The following GAD1 variants were observed in gnomAD, a reference collection of about 807,000 sequenced individuals.
GAD1 encodes 67 kDa glutamic acid decarboxylase.
A neutral mutation model predicts 75.2 loss-of-function variants in GAD1; 35 were observed. The ratio of observed to expected loss-of-function variants is 0.47; its 90% CI spans 0.36 to 0.62. The LOEUF is 0.62. Among genes scored for constraint, GAD1 ranks in the 20% least tolerant of loss-of-function variants. The probability of loss-of-function intolerance (pLI) is 0.00; values close to 1 mark genes in which losing one functional copy is unlikely to be tolerated. For synonymous variants in GAD1, 257 were observed against 271.9 expected, an observed-to-expected ratio of 0.95 and a Z score of 0.54; for missense variants, 490 against 758.5, an observed-to-expected ratio of 0.65 and a Z score of 4.16.
chr2:170,860,804 C>T lies in GAD1; in HGVS notation c.*922C>T, dbSNP rs936620696. 6.6e-6 allele frequency: 1 copy of T among 152,572 alleles called. No individual in the cohort carries two copies. Among genetic ancestry groups the T allele is most frequent in the Non-Finnish European group, 1.5e-5 (1 of 68,022 alleles). The allele number at this position is 152,572 out of a possible 1,614,324, so 9.5% of individuals were successfully genotyped here. A position where few individuals can be genotyped will look rare whatever the true frequency, so the allele number is the denominator to read the frequency against. ...GCATTTTACTGTCTGTAAGAGAATT[C>T]TAAGATTGTACATAAAGTCATATAT... On this transcript the variant is annotated 3_prime_UTR_variant, in exon 17 of 17. Transcript: ENST00000358196.
chr2:170,856,020 A>G (rs1702844186), intron 14 of GAD1, among the ~76,000 whole-genome samples: 8 of 152,118 alleles, frequency 5.3e-5, no homozygotes, highest in Admixed American at 5.2e-4. Flanking sequence ...CATCTGCTGC[A>G]GGTTTTGACC....
intron 3 of GAD1, among the ~76,000 whole-genome samples, chr2:170,822,923 AGAG>A (rs1701928956): frequency 6.6e-6 from 1 of 152,230 alleles, no homozygotes; most frequent in Non-Finnish European, 1.5e-5. Context: ...AGGGAGCTGG[AGAG>A]GAGAAAGAAC....
Position 170,852,861 on chromosome 2 carries a change from G to T in GAD1, c.1263+69G>T, listed in dbSNP as rs188948013. 5.1e-4 allele frequency: 687 copies of T among 1,358,072 alleles called. 5 individuals carry two copies. The African/African-American group carries it at 8.5e-3, about 17-fold the overall frequency. The allele number at this position is 1,358,072 out of a possible 1,614,324, so 84.1% of individuals were successfully genotyped here. Reference sequence around the variant, plus strand: ...TAGAAAGCACAAAAAGACACACGTGGGGTCTCTTTGCAGTACTTGTTGGCT... The same window carrying T: ...TAGAAAGCACAAAAAGACACACGTGTGGTCTCTTTGCAGTACTTGTTGGCT... On this transcript the variant is annotated intron_variant, in intron 13 of 16. Coordinates refer to ENST00000358196, the MANE Select transcript of GAD1 (RefSeq NM_000817.3).
At chr2:170,836,047 C>T (rs1049047044) in intron 5 of GAD1, among the ~76,000 whole-genome samples, 2 of 151,888 alleles carry the variant, frequency 1.3e-5, no homozygotes, top group Admixed American at 1.3e-4. Flanking sequence ...TAGAGATTCT[C>T]AGAGAGGAGA....
intron 3 of GAD1, among the ~76,000 whole-genome samples, chr2:170,824,929 CGTGTGT>C (rs56938472): frequency 6.7e-6 from 1 of 150,014 alleles, no homozygotes; most frequent in Non-Finnish European, 1.5e-5. Flanking sequence ...AGCCTACACT[CGTGTGT>C]GTGTGTGTGT....
At chr2:170,831,217 G>A (rs768617654) in intron 5 of GAD1, 25 bp downstream of exon 5, 9 of 1,613,728 alleles carry the variant, frequency 5.6e-6, no homozygotes, top group Non-Finnish European at 7.6e-6. Flanking sequence ...TGGGTAGACA[G>A]GTAGTGGCAA....
Position 170,831,369 on chromosome 2 carries a change from C to A in GAD1, c.547+177C>A, listed in dbSNP as rs369648604. Among the ~76,000 whole-genome samples the A allele has an allele frequency of 8.6e-5, 13 of 151,970 alleles. 1 individual carries two copies. In the East Asian group the frequency reaches 1.5e-3, roughly 18 times the overall value. Reference sequence around the variant, plus strand: ...GGGCAGTAACAGTTGGTGGAGGGACCCGACCCAGGCAAAAGTTCATCAGCA... The same window carrying A: ...GGGCAGTAACAGTTGGTGGAGGGACACGACCCAGGCAAAAGTTCATCAGCA... On this transcript the variant is annotated intron_variant, in intron 5 of 16. Transcript: ENST00000358196.
Position 170,822,186 on chromosome 2 carries a change from C to T in GAD1, c.145+37C>T, listed in dbSNP as rs771454267. ...GACCCACTGGGGCCCGGCTGGGTGG[C>T]GCGGCGGGCGGACCTTTGGGGCTTG... On this transcript the variant is annotated intron_variant, in intron 3 of 16. Coordinates refer to ENST00000358196, the MANE Select transcript of GAD1 (RefSeq NM_000817.3). 22 of 1,580,456 alleles carry T rather than the reference C, an allele frequency of 1.4e-5. No homozygotes were observed. In the South Asian group the frequency reaches 2.5e-4, roughly 18 times the overall value.
intron 14 of GAD1, among the ~76,000 whole-genome samples, chr2:170,855,657 T>C (rs1232854290): frequency 1.3e-5 from 2 of 151,672 alleles, no homozygotes; most frequent in Non-Finnish European, 2.9e-5. Context: ...GGCGGATCAT[T>C]TGAGCTCAGG....
chr2:170,815,419 A>T (rs151003117), upstream of GAD1, among the ~76,000 whole-genome samples: 258 of 152,278 alleles, frequency 1.7e-3, 1 homozygote, highest in Admixed American at 4.2e-3. Context: ...CCACAGCGAG[A>T]TCCCTCTTGC....
At chr2:170,823,548 C>T (rs1701947447) in intron 3 of GAD1, among the ~76,000 whole-genome samples, 1 of 152,154 alleles carries the variant, frequency 6.6e-6, no homozygotes, top group Non-Finnish European at 1.5e-5. Context: ...GCCTTCTCCC[C>T]AGCGCAGGAC....
At chr2:170,855,313 G>A (rs1702827972) in intron 14 of GAD1, among the ~76,000 whole-genome samples, 1 of 150,160 alleles carries the variant, frequency 6.7e-6, no homozygotes, top group Non-Finnish European at 1.5e-5. Flanking sequence ...GATTCAAGCA[G>A]TTCTCCTGCC....
rs1442823488 is a variant in GAD1 at position 170,852,768 on chromosome 2, C to T, written c.1239C>T (p.Cys413=). The T allele has an allele frequency of 6.2e-7, 1 of 1,614,202 alleles. No homozygotes were observed. The highest frequency in any genetic ancestry group is 1.7e-5 in the Admixed American group (1 of 60,030). ...AGATGATGGGCGTGCTGTTGCAGTG[C>T]TCTGCCATTCTCGTCAAGGAAAAGG... is the stretch of plus-strand genomic sequence containing the variant. The part of the protein sequence containing the change: ...PHKMMGVLLQ[C]SAILVKEKGI... Residue 413 remains cysteine, a synonymous_variant, in exon 13 of 17, where the codon TGC becomes TGT. Transcript: ENST00000358196.
At chr2:170,819,024 G>C (rs937938620) in intron 2 of GAD1, among the ~76,000 whole-genome samples, 1 of 152,164 alleles carries the variant, frequency 6.6e-6, no homozygotes, top group African/African-American at 2.4e-5. Flanking sequence ...GGAATGAAGA[G>C]CTAGGAGCCC....
In GAD1 at chr2:170,818,817, C is replaced by T. The variant is rs1701784114; in HGVS notation, c.82+144C>T. The T allele has an allele frequency of 1.2e-6, 1 of 810,460 alleles. No homozygotes were observed. Among genetic ancestry groups the T allele is most frequent in the Non-Finnish European group, 2.1e-6 (1 of 477,924 alleles). The allele number at this position is 810,460 out of a possible 1,614,324, so 50.2% of individuals were successfully genotyped here. Reference sequence around the variant, plus strand: ...AATAAATGGGGCTCTGACCCCGTCCCTGCCAGAGGTCATTCGGCTGTCAGG... The same window carrying T: ...AATAAATGGGGCTCTGACCCCGTCCTTGCCAGAGGTCATTCGGCTGTCAGG... On this transcript the variant is annotated intron_variant, in intron 2 of 16. Transcript: ENST00000358196. This position sits in a 1 kb window ranked among gnomAD's most constrained non-coding sequence, Gnocchi z 5.9.
In GAD1 at chr2:170,829,698, T is replaced by C. The variant is rs780142545; in HGVS notation, c.304+65T>C. Reference sequence around the variant, plus strand: ...ATTTCTTATTTGAGTTTCTTGACTTTTTCCTGCAATTTTACTTCTTTTATC... The same window carrying C: ...ATTTCTTATTTGAGTTTCTTGACTTCTTCCTGCAATTTTACTTCTTTTATC... On this transcript the variant is annotated intron_variant, in intron 4 of 16. Coordinates refer to ENST00000358196, the MANE Select transcript of GAD1 (RefSeq NM_000817.3). The C allele has an allele frequency of 1.0e-4, 160 of 1,538,644 alleles. 1 individual carries two copies. The highest frequency in any genetic ancestry group is 1.3e-4 in the Non-Finnish European group (145 of 1,117,794).
rs1477949388 is a variant in GAD1 at position 170,853,034 on chromosome 2, T to C, written c.1263+242T>C. 2 of 573,452 alleles carry C rather than the reference T, an allele frequency of 3.5e-6. No individual in the cohort carries two copies. Among genetic ancestry groups the C allele is most frequent in the Non-Finnish European group, 6.2e-6 (2 of 320,794 alleles). 35.5% of individuals were successfully genotyped at this position (573,452 alleles called of 1,614,324 possible). On this transcript the variant is annotated intron_variant, in intron 13 of 16. Coordinates refer to ENST00000358196, the MANE Select transcript of GAD1 (RefSeq NM_000817.3). This position sits in a 1 kb window ranked among gnomAD's most constrained non-coding sequence, Gnocchi z 4.1. ...CAGGGTCTGTCAGCAACTGAACCTT[T>C]AAGGAAATTATTTAATTGAGTATTC...
intron 5 of GAD1, among the ~76,000 whole-genome samples, chr2:170,832,705 T>G (rs1391706858): frequency 7.0e-6 from 1 of 142,072 alleles, no homozygotes; most frequent in Admixed American, 7.0e-5. Flanking sequence ...CATACACACA[T>G]GCCTTCTCAT....
At chr2:170,844,247 C>T (rs952157648) in intron 7 of GAD1, 90 bp downstream of exon 7, 11 of 781,822 alleles carry the variant, frequency 1.4e-5, no homozygotes, top group Middle Eastern at 2.2e-4. Flanking sequence ...AATGCCTTAA[C>T]ATTTTTTTTG....
Sources: allele counts gnomAD v4.1 joint callset (sites outside exome capture counted in the v4.1 genomes callset), GRCh38; gene constraint gnomAD v4.1.1; non-coding constraint Gnocchi (gnomAD v3.1); transcripts MANE v1.5; gene names NCBI Gene and HGNC (gene_info 2026-07-23, HGNC 2026-07-21).